Variants in DGKB observed in about 807,000 individuals in gnomAD.
DGKB encodes the protein 90 kDa diacylglycerol kinase.
A neutral mutation model predicts 114.3 loss-of-function variants in DGKB; 67 were observed. The observed-to-expected ratio is 0.59, with a 90% CI of 0.48 to 0.72. DGKB has a LOEUF of 0.72. Among genes scored for constraint, DGKB ranks in the 30% least tolerant of loss-of-function variants. DGKB has a pLI of 0.00. For synonymous variants in DGKB, 398 were observed against 323.1 expected, an observed-to-expected ratio of 1.23 and a Z score of -2.49; for missense variants, 907 against 975.2, an observed-to-expected ratio of 0.93 and a Z score of 0.93.
At chr7:14,647,482 A>G (rs1585319985) in intron 13 of DGKB, among the ~76,000 whole-genome samples, 3 of 152,216 alleles carry the variant, frequency 2.0e-5, no homozygotes, top group Admixed American at 1.3e-4. Context: ...TTCACTTTAT[A>G]AGTACAGCAT....
intron 15 of DGKB, among the ~76,000 whole-genome samples, chr7:14,617,053 T>C (rs1194850001): frequency 2.0e-5 from 3 of 151,654 alleles, no homozygotes; most frequent in Admixed American, 6.6e-5. Flanking sequence ...GATTTTAGAG[T>C]TAGACTGGTT....
chr7:14,736,180 T>C lies in DGKB; in HGVS notation c.183A>G (p.Glu61=). The part of the protein sequence containing the change: ...QDILNQTIDF[E]GFKLFMKTFL... ...ATGTCTTCATGAATAGTTTGAAACC[T>C]TCAAAATCTATTGTCTGGAAAAAAA... The change falls in exon 5 of 26, where the codon GAA becomes GAG. Residue 61 remains glutamate (E), a synonymous_variant. Coordinates refer to ENST00000402815, the MANE Select transcript of DGKB (RefSeq NM_001350709.2). The C allele has an allele frequency of 6.4e-7, 1 of 1,564,048 alleles. No homozygotes were observed. Among genetic ancestry groups the C allele is most frequent in the Non-Finnish European group, 8.7e-7 (1 of 1,153,890 alleles).
intron 23 of DGKB, among the ~76,000 whole-genome samples, chr7:14,206,462 T>C: frequency 6.6e-6 from 1 of 151,918 alleles, no homozygotes; most frequent in Non-Finnish European, 1.5e-5. Flanking sequence ...CTAGAAACCG[T>C]TCAGTATGGT....
chr7:14,973,473 TTTG>T (rs752721419), intron 1 of DGKB, among the ~76,000 whole-genome samples: 13 of 151,606 alleles, frequency 8.6e-5, no homozygotes, highest in East Asian at 7.8e-4. Flanking sequence ...ACTATTTCTT[TTTG>T]TTGTTGTTGT....
At chr7:14,938,463 G>A (rs1043902076) in intron 1 of DGKB, among the ~76,000 whole-genome samples, 2 of 152,064 alleles carry the variant, frequency 1.3e-5, no homozygotes, top group Admixed American at 6.5e-5. Context: ...TTTCTTATCT[G>A]ATAAAATGTA....
intron 13 of DGKB, among the ~76,000 whole-genome samples, chr7:14,655,653 G>A (rs79285010): frequency 1.6e-3 from 244 of 151,784 alleles, no homozygotes; most frequent in African/African-American, 5.3e-3. Flanking sequence ...ATCAATAGAT[G>A]AGTAGATAAA....
intron 23 of DGKB, among the ~76,000 whole-genome samples, chr7:14,229,090 C>T (rs908280178): frequency 1.3e-5 from 2 of 152,014 alleles, no homozygotes; most frequent in South Asian, 4.1e-4. Flanking sequence ...ACAAATTTTG[C>T]ATTAGCCCAA....
At chr7:14,693,737 G>T (rs1823315211) in intron 9 of DGKB, among the ~76,000 whole-genome samples, 1 of 151,890 alleles carries the variant, frequency 6.6e-6, no homozygotes. Flanking sequence ...CAAAAGAACT[G>T]CAAAATACAA....
chr7:14,160,152 ACCC>A (rs1342352146), intron 25 of DGKB, among the ~76,000 whole-genome samples: 1 of 152,196 alleles, frequency 6.6e-6, no homozygotes, highest in Non-Finnish European at 1.5e-5. Flanking sequence ...TTTATGACAA[ACCC>A]ACAGCCAATA....
At chr7:14,951,708 A>C (rs1786208860) in intron 1 of DGKB, among the ~76,000 whole-genome samples, 1 of 152,032 alleles carries the variant, frequency 6.6e-6, no homozygotes, top group Admixed American at 6.6e-5. Context: ...TAAAAAAATT[A>C]CCACACTAAT....
intron 1 of DGKB, among the ~76,000 whole-genome samples, chr7:14,843,588 C>T (rs1848250377): frequency 6.6e-6 from 1 of 152,016 alleles, no homozygotes; most frequent in Non-Finnish European, 1.5e-5. Context: ...CCCGCCTCGG[C>T]CTCCCAAAGT....
chr7:14,299,400 G>A (rs891476508), intron 23 of DGKB, among the ~76,000 whole-genome samples: 1 of 152,056 alleles, frequency 6.6e-6, no homozygotes, highest in Non-Finnish European at 1.5e-5. Flanking sequence ...TTCTAGAACA[G>A]CTTTTGATAA....
At chr7:14,772,229 T>C (rs2128473570) in intron 2 of DGKB, among the ~76,000 whole-genome samples, 1 of 152,302 alleles carries the variant, frequency 6.6e-6, no homozygotes, top group Non-Finnish European at 1.5e-5. Flanking sequence ...CATTCATATT[T>C]AGCTTAGAAT....
chr7:14,379,920 G>T (rs1317626717), intron 21 of DGKB, among the ~76,000 whole-genome samples: 1 of 109,942 alleles, frequency 9.1e-6, no homozygotes, highest in East Asian at 2.7e-4. Flanking sequence ...AGGCGTGAGC[G>T]AGCGGGCCCG....
At chr7:14,717,959 A>T (rs535657547) in intron 6 of DGKB, among the ~76,000 whole-genome samples, 1 of 152,348 alleles carries the variant, frequency 6.6e-6, no homozygotes, top group African/African-American at 2.4e-5. Context: ...TTTACTTTCA[A>T]CTGAATAGAA....
intron 1 of DGKB, among the ~76,000 whole-genome samples, chr7:14,874,263 G>A (rs757111224): frequency 6.6e-6 from 1 of 151,934 alleles, no homozygotes; most frequent in Non-Finnish European, 1.5e-5. Context: ...CTTTAATTAG[G>A]AGTTACTAAA....
At chr7:14,505,962 T>A (rs930375949) in intron 20 of DGKB, among the ~76,000 whole-genome samples, 2 of 152,114 alleles carry the variant, frequency 1.3e-5, no homozygotes, top group Admixed American at 6.5e-5. Flanking sequence ...GATTTTTTTT[T>A]ATAATTCTGC....
intron 20 of DGKB, among the ~76,000 whole-genome samples, chr7:14,536,076 G>C (rs143916779): frequency 6.6e-6 from 1 of 152,066 alleles, no homozygotes; most frequent in Non-Finnish European, 1.5e-5. Context: ...AAATCCATAG[G>C]AATATACAAG....
chr7:14,962,639 TG>T (rs1786922215), intron 1 of DGKB, among the ~76,000 whole-genome samples: 1 of 112,974 alleles, frequency 8.9e-6, no homozygotes, highest in African/African-American at 4.4e-5. Context: ...TGTGTGTTTG[TG>T]TGTGTGTGTG....
Sources: allele counts gnomAD v4.1 joint callset (sites outside exome capture counted in the v4.1 genomes callset), GRCh38; gene constraint gnomAD v4.1.1; transcripts MANE v1.5; gene names NCBI Gene and HGNC (gene_info 2026-07-23, HGNC 2026-07-21).